The following SASH1 variants were observed in gnomAD, a reference collection of about 807,000 sequenced individuals.
The protein encoded by SASH1 is SAM and SH3 domain containing 1, also known as SAM and SH3 domain-containing protein 1.
In SASH1, 44 loss-of-function variants were observed where a neutral mutation model predicts 125.2. The ratio of observed to expected loss-of-function variants is 0.35; its 90% CI spans 0.28 to 0.45. SASH1 has a LOEUF of 0.45. SASH1 is among the 20% of genes least tolerant of loss of function. SASH1 has a pLI of 1.00. For missense variants in SASH1, 1,426 were observed against 1,614.5 expected, an observed-to-expected ratio of 0.88 and a Z score of 2.00; for synonymous variants, 639 against 649.1, an observed-to-expected ratio of 0.98 and a Z score of 0.24.
chr6:148,227,183 A>G, the SASH1 span, among the ~76,000 whole-genome samples: 1 of 152,070 alleles, frequency 6.6e-6, no homozygotes, highest in Non-Finnish European at 1.5e-5. Context: ...ATGTTGCTTT[A>G]TTTTCTTAAT....
At chr6:148,353,110 G>A (rs540932230) in intron 1 of SASH1, among the ~76,000 whole-genome samples, 1 of 150,982 alleles carries the variant, frequency 6.6e-6, no homozygotes, top group Non-Finnish European at 1.5e-5. Flanking sequence ...CCTGTGTCAC[G>A]CAGGCTGGAG....
chr6:148,263,734 A>G, the SASH1 span, among the ~76,000 whole-genome samples: 1 of 152,158 alleles, frequency 6.6e-6, no homozygotes, highest in Non-Finnish European at 1.5e-5. Flanking sequence ...CAGGGAAAAG[A>G]GAGTTGGACT....
chr6:148,305,766 A>G (rs978917913), intron 1 of SASH1, among the ~76,000 whole-genome samples: 2 of 152,226 alleles, frequency 1.3e-5, no homozygotes, highest in Non-Finnish European at 2.9e-5. Flanking sequence ...AGCTGTGGGC[A>G]GGATTAAAGA....
chr6:148,446,258 G>A (rs546094178), intron 4 of SASH1, among the ~76,000 whole-genome samples: 8 of 151,744 alleles, frequency 5.3e-5, no homozygotes, highest in Non-Finnish European at 1.2e-4. Context: ...ACAGGTGCCC[G>A]CCATCATGCC....
chr6:148,361,705 T>C (rs1438530486), intron 1 of SASH1, among the ~76,000 whole-genome samples: 2 of 151,514 alleles, frequency 1.3e-5, no homozygotes, highest in East Asian at 1.9e-4. Flanking sequence ...ATTGAGAAGA[T>C]AGATAAGCAG....
chr6:148,429,722 G>A (rs1377133063), intron 2 of SASH1, among the ~76,000 whole-genome samples: 19 of 151,978 alleles, frequency 1.3e-4, no homozygotes, highest in Admixed American at 7.2e-4. Context: ...CAGCCTGGGC[G>A]ACAGAGCAAG....
At position 148,290,509 on chromosome 6, in the gene SASH1, G is replaced by A. The variant is rs376972768; in HGVS notation, n.74+18132G>A. On this transcript the variant is annotated intron_variant and non_coding_transcript_variant, in intron 1 of 3. Transcript: ENST00000367469. ...TAGTCCCAGCTACTCGGGAGGCTGA[G>A]GCAGGAGAATGGTGTGAACCCGGGA... Among the ~76,000 whole-genome samples the A allele has an allele frequency of 1.4e-3, 216 of 152,100 alleles. 1 individual carries two copies. In the East Asian group the frequency reaches 0.039, roughly 28 times the overall value.
chr6:148,535,187 G>A (rs1781767817), intron 16 of SASH1, among the ~76,000 whole-genome samples: 1 of 152,206 alleles, frequency 6.6e-6, no homozygotes, highest in Non-Finnish European at 1.5e-5. Flanking sequence ...TAAATTCCCA[G>A]TGCAGACATG....
chr6:148,265,945 T>A, the SASH1 span, among the ~76,000 whole-genome samples: 1 of 152,168 alleles, frequency 6.6e-6, no homozygotes, highest in Non-Finnish European at 1.5e-5. Context: ...AAGGAAGTTG[T>A]CATTGTCAAT....
rs1779261239 is a variant in SASH1 at position 148,495,149 on chromosome 6, G to A, written c.729+7434G>A. Among the ~76,000 whole-genome samples, 1 of 152,224 alleles carries A rather than the reference G, an allele frequency of 6.6e-6. No individual in the cohort carries two copies. The highest frequency in any genetic ancestry group is 1.5e-5 in the Non-Finnish European group (1 of 68,044). ...TTTGCTAATAACAATTCTGGTATGTGCCGAAAGCCAGGGCACCGGCAGAAG... is the reference window on the plus strand; with the variant it reads ...TTTGCTAATAACAATTCTGGTATGTACCGAAAGCCAGGGCACCGGCAGAAG... On this transcript the variant is annotated intron_variant, in intron 8 of 19. Transcript: ENST00000367467. This position sits in a 1 kb window ranked among gnomAD's most constrained non-coding sequence, Gnocchi z 4.0.
At chr6:148,488,105 C>T (rs1359589989) in intron 8 of SASH1, among the ~76,000 whole-genome samples, 1 of 152,066 alleles carries the variant, frequency 6.6e-6, no homozygotes, top group East Asian at 1.9e-4. Flanking sequence ...AAACTCTGTT[C>T]CAATTAAACA....
At chr6:148,254,664 G>A in the SASH1 span, among the ~76,000 whole-genome samples, 6 of 152,164 alleles carry the variant, frequency 3.9e-5, no homozygotes, top group East Asian at 1.9e-4. Flanking sequence ...TGCCACACTC[G>A]ATAGGATGGC....
chr6:148,509,954 C>T (rs1780021631), intron 8 of SASH1, among the ~76,000 whole-genome samples: 1 of 152,246 alleles, frequency 6.6e-6, no homozygotes, highest in Admixed American at 6.5e-5. Flanking sequence ...CTCCACCCTC[C>T]TCCGGGTGCC....
At position 148,449,078 on chromosome 6, in the gene SASH1, C is replaced by CTTTTTTTTTTTTTTTTTTTTTTTTT; in HGVS notation, c.386+8686_386+8687insTTTTTTTTTTTTTTTTTTTTTTTTT. On this transcript the variant is annotated intron_variant, in intron 4 of 19. Coordinates refer to ENST00000367467, the MANE Select transcript of SASH1 (RefSeq NM_015278.5). ...GAGACTGGCTAATTTCATTTCATTT[C>CTTTTTTTTTTTTTTTTTTTTTTTTT]TTTTTTTTTTTTTTTGGAGACAGAG... Among the ~76,000 whole-genome samples, 70 of 88,676 alleles carry CTTTTTTTTTTTTTTTTTTTTTTTTT rather than the reference C, an allele frequency of 7.9e-4. 5 individuals carry two copies. The highest frequency in any genetic ancestry group is 1.2e-3 in the Non-Finnish European group (50 of 43,410). The allele number at this position is 88,676 out of a possible 152,430, so 58.2% of individuals were successfully genotyped here. A position where few individuals can be genotyped will look rare whatever the true frequency, so the allele number is the denominator to read the frequency against.
rs1166084200 is a variant in SASH1 at position 148,487,017 on chromosome 6, TTA to T, written c.628-587_628-586del. Among the ~76,000 whole-genome samples, 5 of 108,820 alleles carry T rather than the reference TTA, an allele frequency of 4.6e-5. No homozygotes were observed. The East Asian group carries it at 9.3e-4, about 20-fold the overall frequency. 71.4% of individuals were successfully genotyped at this position (108,820 alleles called of 152,430 possible). A position where few individuals can be genotyped will look rare whatever the true frequency, so the allele number is the denominator to read the frequency against. ...TATGTATTTGCTTATATATATGTTT[TTA>T]TATATATATTTGTTATATATATTTG... is the stretch of plus-strand genomic sequence containing the variant. On this transcript the variant is annotated intron_variant, in intron 7 of 19. Coordinates refer to ENST00000367467, the MANE Select transcript of SASH1 (RefSeq NM_015278.5).
the SASH1 span, among the ~76,000 whole-genome samples, chr6:148,202,406 T>C: frequency 0.028 from 4,258 of 152,184 alleles, 90 homozygotes; most frequent in East Asian, 0.06. Context: ...GCTGGACTCA[T>C]CCTTTCCATC....
At chr6:148,445,197 A>G (rs1486275059) in intron 4 of SASH1, among the ~76,000 whole-genome samples, 2 of 152,032 alleles carry the variant, frequency 1.3e-5, no homozygotes, top group Admixed American at 1.3e-4. Flanking sequence ...TTTGACCTGT[A>G]TCTTGTGACA....
At chr6:148,272,272 C>G, upstream of SASH1, 2 of 452,408 alleles carry the variant, frequency 4.4e-6, no homozygotes, top group South Asian at 3.3e-5. Flanking sequence ...CCATTTAGAG[C>G]CTTACATCAG....
chr6:148,542,998 G>A (rs1180208320), intron 17 of SASH1, among the ~76,000 whole-genome samples: 1 of 152,274 alleles, frequency 6.6e-6, no homozygotes, highest in African/African-American at 2.4e-5. Context: ...ACTACCAGTC[G>A]TCAGATAAGT....
Sources: allele counts gnomAD v4.1 joint callset (sites outside exome capture counted in the v4.1 genomes callset), GRCh38; gene constraint gnomAD v4.1.1; non-coding constraint Gnocchi (gnomAD v3.1); transcripts MANE v1.5; gene names NCBI Gene and HGNC (gene_info 2026-07-23, HGNC 2026-07-21).